MGAT4C: variants seen among roughly 807,000 people sequenced by gnomAD.
MGAT4C encodes MGAT4 family member C.
Under a neutral mutation model 40.1 loss-of-function variants are expected in MGAT4C, and 19 were observed. That is an observed-to-expected ratio of 0.47 (90% confidence interval 0.33 to 0.70). The LOEUF (loss-of-function observed/expected upper bound fraction) is 0.70. Among genes scored for constraint, MGAT4C ranks in the 30% least tolerant of loss-of-function variants. The pLI is 0.02. For synonymous variants in MGAT4C, 181 were observed against 187.1 expected (o/e 0.97, Z 0.27); for missense variants, 491 against 563.2 (o/e 0.87, Z 1.30).
intron 3 of MGAT4C, among the ~76,000 whole-genome samples, chr12:86,365,599 T>C (rs946033686): frequency 1.3e-5 from 2 of 151,962 alleles, no homozygotes; most frequent in Non-Finnish European, 2.9e-5. Context: ...GTCCATGAAA[T>C]CTTCACAATC....
intron 3 of MGAT4C, among the ~76,000 whole-genome samples, chr12:85,988,426 TACTC>T (rs755837932): frequency 2.2e-4 from 34 of 152,232 alleles, no homozygotes; most frequent in Admixed American, 4.6e-4. Flanking sequence ...TTTTTGGAAA[TACTC>T]TCTCTCTTGT....
chr12:86,502,680 TTCTGCTCATATATATACACGAGA>T (rs1243462748), intron 2 of MGAT4C, among the ~76,000 whole-genome samples: 38 of 141,856 alleles, frequency 2.7e-4, no homozygotes, highest in East Asian at 1.7e-3. Context: ...TATACACGAG[TTCTGCTCATATATATACACGAGA>T]TCTGCTCATA....
intron 3 of MGAT4C, among the ~76,000 whole-genome samples, chr12:86,418,143 A>G (rs940567280): frequency 6.6e-6 from 1 of 152,194 alleles, no homozygotes; most frequent in Admixed American, 6.5e-5. Context: ...TAGAAGGGCT[A>G]TTGATAAAAT....
At chr12:86,803,899 A>T (rs28860221) in intron 1 of MGAT4C, among the ~76,000 whole-genome samples, 47,376 of 148,006 alleles carry the variant, frequency 0.32, 8,958 homozygotes, top group Admixed American at 0.46. Flanking sequence ...CATTTGACCC[A>T]GCCATCCCAT....
chr12:86,117,690 G>C (rs991280225), intron 1 of MGAT4C, among the ~76,000 whole-genome samples: 1 of 152,152 alleles, frequency 6.6e-6, no homozygotes, highest in East Asian at 1.9e-4. Context: ...TTGAGAAGGA[G>C]AGAGTGGCTG....
At chr12:86,198,690 G>A (rs1222796240) in intron 1 of MGAT4C, among the ~76,000 whole-genome samples, 6 of 152,144 alleles carry the variant, frequency 3.9e-5, no homozygotes. Flanking sequence ...ATAGAATGAT[G>A]CTTTTCTGAC....
intron 2 of MGAT4C, among the ~76,000 whole-genome samples, chr12:86,672,731 G>A (rs966286802): frequency 6.6e-6 from 1 of 152,006 alleles, no homozygotes; most frequent in African/African-American, 2.4e-5. Flanking sequence ...CATAAAAATG[G>A]CAACAATAGA....
rs536519087 is a variant in MGAT4C at position 86,421,758 on chromosome 12, C to G, written c.-120+13399G>C. ...CGCCACTGCACTCCAGCCTGGGCGA[C>G]AAGAGAGAGACTCCATCTCAAACAA... On this transcript the variant is annotated intron_variant, in intron 3 of 7. Transcript: ENST00000548651. Among the ~76,000 whole-genome samples, 34 of 152,184 alleles carry G rather than the reference C, an allele frequency of 2.2e-4. 1 individual carries two copies. The South Asian group carries it at 7.1e-3, about 32-fold the overall frequency.
At chr12:86,440,913 G>A (rs1284611911) in intron 2 of MGAT4C, among the ~76,000 whole-genome samples, 2 of 151,948 alleles carry the variant, frequency 1.3e-5, no homozygotes, top group African/African-American at 2.4e-5. Context: ...AAACAAGGAG[G>A]TAAAAGAACT....
intron 2 of MGAT4C, among the ~76,000 whole-genome samples, chr12:86,042,869 A>AC (rs1321431521): frequency 2.1e-5 from 1 of 47,640 alleles, no homozygotes; most frequent in Non-Finnish European, 4.9e-5. Flanking sequence ...CTCTGTCTCA[A>AC]AAAAAAAAAA....
chr12:86,609,314 T>C (rs1349589520), intron 2 of MGAT4C, among the ~76,000 whole-genome samples: 1 of 151,804 alleles, frequency 6.6e-6, no homozygotes, highest in Non-Finnish European at 1.5e-5. Flanking sequence ...GGGAAAGGAG[T>C]TGTCAATGAA....
intron 2 of MGAT4C, among the ~76,000 whole-genome samples, chr12:86,603,833 A>C (rs564296110): frequency 1.9e-4 from 28 of 143,712 alleles, no homozygotes; most frequent in African/African-American, 6.1e-4. Flanking sequence ...TAAATATAGA[A>C]GAATACTATA....
chr12:86,580,651 A>G (rs1005663298), intron 2 of MGAT4C, among the ~76,000 whole-genome samples: 1 of 151,440 alleles, frequency 6.6e-6, no homozygotes, highest in Non-Finnish European at 1.5e-5. Context: ...TGTAATTAGC[A>G]CTTTCTTCAA....
chr12:86,819,220 T>C (rs1952662384), intron 1 of MGAT4C, among the ~76,000 whole-genome samples: 1 of 150,886 alleles, frequency 6.6e-6, no homozygotes, highest in Non-Finnish European at 1.5e-5. Flanking sequence ...CATCATCAAC[T>C]ACTTAAAATG....
At chr12:86,747,829 G>A (rs975577059) in intron 1 of MGAT4C, among the ~76,000 whole-genome samples, 3 of 151,288 alleles carry the variant, frequency 2.0e-5, no homozygotes, top group Non-Finnish European at 3.0e-5. Flanking sequence ...TTTGAAAGAC[G>A]ATAGACCTGA....
chr12:86,548,761 A>T (rs1384560184), intron 2 of MGAT4C, among the ~76,000 whole-genome samples: 1 of 152,222 alleles, frequency 6.6e-6, no homozygotes, highest in Non-Finnish European at 1.5e-5. Context: ...TATCTGTAAA[A>T]TGTAATAAAA....
intron 1 of MGAT4C, among the ~76,000 whole-genome samples, chr12:86,735,609 T>C (rs1029315014): frequency 1.8e-4 from 28 of 151,906 alleles, no homozygotes; most frequent in Admixed American, 1.6e-3. Flanking sequence ...TTTCTTTGAA[T>C]GGGCTGCCTT....
chr12:86,695,435 G>A (rs988600971), intron 2 of MGAT4C, among the ~76,000 whole-genome samples: 41 of 152,138 alleles, frequency 2.7e-4, no homozygotes, highest in African/African-American at 9.7e-4. Flanking sequence ...CTCTAAAGAA[G>A]GGAAGTCAGA....
intron 2 of MGAT4C, among the ~76,000 whole-genome samples, chr12:86,535,596 A>C (rs189840178): frequency 1.2e-4 from 19 of 152,228 alleles, no homozygotes; most frequent in African/African-American, 4.3e-4. Context: ...CAGCTTGCCA[A>C]AAAGGGAGTT....
Sources: gnomAD v4.1 joint callset for allele counts (sites outside exome capture counted in the v4.1 genomes callset) on GRCh38, gnomAD v4.1.1 for gene constraint, MANE v1.5 for transcripts, NCBI Gene and HGNC (gene_info 2026-07-23, HGNC 2026-07-21) for gene names.